Variants in SLC8A1 observed in about 807,000 individuals in gnomAD.
SLC8A1 encodes solute carrier family 8 member A1, also known as sodium/calcium exchanger 1.
SLC8A1 carries 18 observed loss-of-function variants against 68.3 expected under a neutral mutation model. The observed-to-expected ratio is 0.26, with a 90% confidence interval of 0.18 to 0.39. SLC8A1 has a LOEUF of 0.39. Among genes scored for constraint, SLC8A1 ranks in the 10% least tolerant of loss-of-function variants. The pLI, the probability that SLC8A1 is intolerant of heterozygous loss-of-function variation, is 1.00. For synonymous variants in SLC8A1, 475 were observed against 415.5 expected, an observed-to-expected ratio of 1.14 and a Z score of -1.74; for missense variants, 985 against 1,156.7, an observed-to-expected ratio of 0.85 and a Z score of 2.15.
intron 2 of SLC8A1, among the ~76,000 whole-genome samples, chr2:40,398,424 G>A (rs1420011949): frequency 6.6e-6 from 1 of 152,092 alleles, no homozygotes; most frequent in Non-Finnish European, 1.5e-5. Flanking sequence ...ACTGTATGTA[G>A]TTAAATTTTA....
exon 2 of SLC8A1, chr2:40,428,839 T>C: frequency 6.2e-7 from 1 of 1,613,844 alleles, no homozygotes; most frequent in Non-Finnish European, 8.5e-7. Flanking sequence ...GATATCATCA[T>C]CTATGATACC....
intron 1 of SLC8A1, among the ~76,000 whole-genome samples, chr2:40,501,836 C>G (rs1197095174): frequency 6.6e-6 from 1 of 151,964 alleles, no homozygotes; most frequent in Non-Finnish European, 1.5e-5. Context: ...TATGTCATCT[C>G]CCTGTGGATG....
intron 7 of SLC8A1, among the ~76,000 whole-genome samples, chr2:40,125,018 G>A (rs2037764004): frequency 6.6e-6 from 1 of 152,150 alleles, no homozygotes; most frequent in Admixed American, 6.5e-5. Flanking sequence ...TGAGATGGCA[G>A]GATTTCTTTT....
intron 2 of SLC8A1, chr2:40,254,969 CTTCT>C (rs1450277020): frequency 6.6e-6 from 1 of 152,034 alleles, no homozygotes; most frequent in Non-Finnish European, 1.5e-5. Flanking sequence ...TCTTCCATTC[CTTCT>C]ATCTCGCCTG....
intron 2 of SLC8A1, among the ~76,000 whole-genome samples, chr2:40,406,927 G>C (rs1362879260): frequency 6.6e-6 from 1 of 151,260 alleles, no homozygotes; most frequent in Non-Finnish European, 1.5e-5. Context: ...CCTCTGTGTT[G>C]TGTTCTCAAT....
intron 2 of SLC8A1, among the ~76,000 whole-genome samples, chr2:40,426,306 C>T (rs998914237): frequency 6.6e-6 from 1 of 151,894 alleles, no homozygotes; most frequent in Non-Finnish European, 1.5e-5. Context: ...CTCCTAAGAA[C>T]ATATATATAG....
chr2:40,140,490 T>C (rs1466143754), intron 6 of SLC8A1, among the ~76,000 whole-genome samples: 6 of 152,358 alleles, frequency 3.9e-5, no homozygotes, highest in East Asian at 3.9e-4. Context: ...GTTCTCACAA[T>C]GTGCTTCCTG....
chr2:40,197,776 A>G (rs192865001), intron 2 of SLC8A1, among the ~76,000 whole-genome samples: 5 of 55,534 alleles, frequency 9.0e-5, no homozygotes, highest in East Asian at 3.1e-4. Flanking sequence ...TCCACTTTCT[A>G]TGGAACCAAG....
At chr2:40,254,151 T>G (rs1469957088) in intron 2 of SLC8A1, among the ~76,000 whole-genome samples, 1 of 151,906 alleles carries the variant, frequency 6.6e-6, no homozygotes, top group African/African-American at 2.4e-5. Context: ...TCTAGAAATA[T>G]TTATAATCAT....
intron 2 of SLC8A1, among the ~76,000 whole-genome samples, chr2:40,426,260 T>C (rs1232915466): frequency 6.6e-6 from 1 of 151,992 alleles, no homozygotes; most frequent in African/African-American, 2.4e-5. Context: ...TAGTAACAAT[T>C]TTATAGAGCA....
At chr2:40,139,010 G>A (rs975201364) in intron 7 of SLC8A1, among the ~76,000 whole-genome samples, 9 of 152,164 alleles carry the variant, frequency 5.9e-5, no homozygotes, top group African/African-American at 1.9e-4. Flanking sequence ...GTTTCATAGA[G>A]ATCATTAAAA....
chr2:40,143,249 T>C (rs1033154268), intron 6 of SLC8A1, among the ~76,000 whole-genome samples: 3 of 152,206 alleles, frequency 2.0e-5, no homozygotes, highest in African/African-American at 7.2e-5. Context: ...ATCATGTTCA[T>C]CCATCACCAT....
chr2:40,275,999 A>C (rs1043187639), intron 2 of SLC8A1, among the ~76,000 whole-genome samples: 2 of 152,206 alleles, frequency 1.3e-5, no homozygotes, highest in African/African-American at 4.8e-5. Context: ...TTGACTAAAC[A>C]CCAAAGATGT....
At chr2:40,417,476 T>C (rs551593494) in intron 2 of SLC8A1, among the ~76,000 whole-genome samples, 58 of 152,262 alleles carry the variant, frequency 3.8e-4, no homozygotes, top group African/African-American at 1.4e-3. Context: ...TTAGTTTTGC[T>C]GAAGAATTTG....
intron 6 of SLC8A1, among the ~76,000 whole-genome samples, chr2:40,156,420 T>C (rs896538574): frequency 1.3e-5 from 2 of 148,772 alleles, no homozygotes; most frequent in Admixed American, 7.0e-5. Context: ...CAATACATAC[T>C]ATGTCTGATA....
At chr2:40,201,937 G>T (rs919578429) in intron 2 of SLC8A1, among the ~76,000 whole-genome samples, 2 of 151,896 alleles carry the variant, frequency 1.3e-5, no homozygotes, top group African/African-American at 4.8e-5. Flanking sequence ...CCTCTTTGCA[G>T]CACATGGAGG....
At chr2:40,445,367 T>C (rs1645929716) in intron 1 of SLC8A1, among the ~76,000 whole-genome samples, 2 of 152,112 alleles carry the variant, frequency 1.3e-5, no homozygotes, top group African/African-American at 4.8e-5. Flanking sequence ...CTTTCCACCC[T>C]GAAGAATCCT....
intron 2 of SLC8A1, among the ~76,000 whole-genome samples, chr2:40,218,765 AT>A (rs11361615): frequency 0.089 from 13,540 of 151,888 alleles, 834 homozygotes; most frequent in Non-Finnish European, 0.13. Context: ...GCTTGCAGAG[AT>A]TGGTAGACCT....
intron 2 of SLC8A1, among the ~76,000 whole-genome samples, chr2:40,352,401 G>A (rs968905552): frequency 2.0e-5 from 3 of 152,058 alleles, no homozygotes; most frequent in African/African-American, 4.8e-5. Context: ...TATGCTTCCC[G>A]TGTTATTCAT....
Sources: allele counts gnomAD v4.1 joint callset (sites outside exome capture counted in the v4.1 genomes callset), GRCh38; gene constraint gnomAD v4.1.1; transcripts MANE v1.5; gene names NCBI Gene and HGNC (gene_info 2026-07-23, HGNC 2026-07-21).